Variants in MAML2 observed in about 807,000 individuals in gnomAD.
MAML2 encodes the protein mastermind-like protein 2.
Under a neutral mutation model 96.1 loss-of-function variants are expected in MAML2, and 22 were observed. The observed-to-expected ratio is 0.23, with a 90% CI of 0.16 to 0.33. The LOEUF is 0.33. Among genes scored for constraint, MAML2 ranks in the 10% least tolerant of loss-of-function variants. The pLI is 1.00. For missense variants in MAML2, 1,367 were observed against 1,392.4 expected, an observed-to-expected ratio of 0.98 and a Z score of 0.29; for synonymous variants, 561 against 521.3, an observed-to-expected ratio of 1.08 and a Z score of -1.04.
chr11:96,159,561 G>A (rs1291937856), intron 1 of MAML2, among the ~76,000 whole-genome samples: 1 of 151,928 alleles, frequency 6.6e-6, no homozygotes, highest in Non-Finnish European at 1.5e-5. Flanking sequence ...GAGTTGCTGG[G>A]ACTACAGGCG....
At chr11:96,006,670 T>A (rs539446236) in intron 2 of MAML2, among the ~76,000 whole-genome samples, 1 of 151,692 alleles carries the variant, frequency 6.6e-6, no homozygotes, top group African/African-American at 2.4e-5. Context: ...GTGATTCTCC[T>A]GCCTCAGCCT....
chr11:96,153,314 G>A (rs371506363), intron 1 of MAML2, among the ~76,000 whole-genome samples: 43 of 152,180 alleles, frequency 2.8e-4, no homozygotes, highest in African/African-American at 7.7e-4. Context: ...AGGACCACAC[G>A]ATGGCAGTTA....
intron 2 of MAML2, among the ~76,000 whole-genome samples, chr11:96,049,613 A>G (rs1241704297): frequency 2.6e-5 from 4 of 152,322 alleles, no homozygotes; most frequent in South Asian, 2.1e-4. Context: ...CAAGTGTTGT[A>G]ATCTCTCTGA....
chr11:96,144,920 A>G (rs1860792187), intron 1 of MAML2, among the ~76,000 whole-genome samples: 1 of 152,236 alleles, frequency 6.6e-6, no homozygotes, highest in South Asian at 2.1e-4. Flanking sequence ...TTTGGAGTGA[A>G]GGCTGCCCTG....
At chr11:96,303,440 A>G (rs1313822999) in intron 1 of MAML2, among the ~76,000 whole-genome samples, 1 of 152,242 alleles carries the variant, frequency 6.6e-6, no homozygotes, top group Non-Finnish European at 1.5e-5. Context: ...GGAATGTGCC[A>G]TAGAGTAAGA....
intron 1 of MAML2, among the ~76,000 whole-genome samples, chr11:96,110,388 T>G (rs1860097484): frequency 6.6e-6 from 1 of 152,244 alleles, no homozygotes; most frequent in South Asian, 2.1e-4. Flanking sequence ...TCCGCCATCT[T>G]GCCTAATTCT....
rs545331012 is a variant in MAML2, at chr11:96,272,763, A to C, written c.513+68620T>G. On this transcript the variant is annotated intron_variant, in intron 1 of 4. Transcript: ENST00000524717. ...AAAACAGTTTCATTTACTTAACATT[A>C]CTCTGACCCTTTAACTTCTAACTTG... 1.8e-4 allele frequency among the ~76,000 whole-genome samples: 28 copies of C among 152,240 alleles called. No individual in the cohort carries two copies. The South Asian group carries it at 2.5e-3, about 14-fold the overall frequency.
chr11:96,341,755 G>A lies in MAML2; in HGVS notation c.141C>T (p.Cys47=). 6.2e-7 allele frequency: 1 copy of A among 1,612,676 alleles called. No individual in the cohort carries two copies. The highest frequency in any genetic ancestry group is 1.1e-5 in the South Asian group (1 of 90,832). Residue 47 remains cysteine, a synonymous_variant, in exon 1 of 5, where the codon TGC becomes TGT. Transcript: ENST00000524717. ...VERLRARIAV[C]RQHHLSCEGR... Reference sequence around the variant, plus strand: ...CTTCACAGCTCAGGTGGTGTTGGCGGCAGACAGCGATCCGAGCCCGGAGGC... The same window carrying A: ...CTTCACAGCTCAGGTGGTGTTGGCGACAGACAGCGATCCGAGCCCGGAGGC...
intron 1 of MAML2, among the ~76,000 whole-genome samples, chr11:96,166,177 T>TCTCACACACACACACA (rs530578845): frequency 5.4e-5 from 6 of 110,330 alleles, no homozygotes; most frequent in African/African-American, 2.1e-4. Context: ...TCTCTCTCTC[T>TCTCACACACACACACA]CACACACACA....
At chr11:96,202,626 G>A (rs1441297171) in intron 1 of MAML2, among the ~76,000 whole-genome samples, 3 of 151,332 alleles carry the variant, frequency 2.0e-5, no homozygotes, top group Non-Finnish European at 4.4e-5. Flanking sequence ...TGTTCCAGAT[G>A]AAATTTTTTT....
At chr11:96,157,462 G>T (rs558542161) in intron 1 of MAML2, among the ~76,000 whole-genome samples, 15 of 152,322 alleles carry the variant, frequency 9.8e-5, no homozygotes, top group African/African-American at 3.6e-4. Flanking sequence ...GAACGTCATG[G>T]GACTTTGGCA....
chr11:96,189,320 A>G (rs1364691089), intron 1 of MAML2, among the ~76,000 whole-genome samples: 1 of 152,234 alleles, frequency 6.6e-6, no homozygotes, highest in African/African-American at 2.4e-5. Flanking sequence ...TTTCGTGCTT[A>G]TAATTTACTT....
At chr11:96,191,478 T>TAA (rs550697309) in intron 1 of MAML2, among the ~76,000 whole-genome samples, 20 of 48,910 alleles carry the variant, frequency 4.1e-4, no homozygotes, top group South Asian at 1.4e-3. Context: ...AAAATAACAA[T>TAA]AATAAAAAAA....
intron 2 of MAML2, among the ~76,000 whole-genome samples, chr11:96,085,557 A>G (rs529864030): frequency 9.2e-5 from 14 of 152,304 alleles, no homozygotes; most frequent in African/African-American, 3.4e-4. Context: ...TTACAGTTAA[A>G]TATCTGTCAG....
At chr11:96,122,077 T>C (rs550097405) in intron 1 of MAML2, among the ~76,000 whole-genome samples, 2 of 148,728 alleles carry the variant, frequency 1.3e-5, no homozygotes, top group African/African-American at 5.0e-5. Flanking sequence ...CCCAAAGTGC[T>C]CGGATTACAG....
At position 95,979,957 on chromosome 11, in the gene MAML2, G is replaced by A. The variant is rs2135699045; in HGVS notation, c.2462C>T (p.Ser821Leu). Residue 821 changes from serine to leucine, a missense_variant, in exon 5 of 5, where the codon TCA becomes TTA. Physicochemically the swap from Ser to Leu is moderately radical, Grantham distance 145. Coordinates refer to ENST00000524717, the MANE Select transcript of MAML2 (RefSeq NM_032427.4). ...GTTAGAGTTTAAGCTTATTGTGGAT[G>A]AGCCACCTGAGAAAAAGAAGAGAAT... ...MQPTAQYSGG[S>L]STISLNSNQA... 1 of 1,607,202 alleles carries A rather than the reference G, an allele frequency of 6.2e-7. No individual in the cohort carries two copies. The highest frequency in any genetic ancestry group is 2.2e-5 in the East Asian group (1 of 44,814).
At chr11:96,118,952 T>C (rs1860290919) in intron 1 of MAML2, among the ~76,000 whole-genome samples, 1 of 152,198 alleles carries the variant, frequency 6.6e-6, no homozygotes, top group South Asian at 2.1e-4. Context: ...GATGCTTCTT[T>C]TACTCTGAAC....
intron 2 of MAML2, among the ~76,000 whole-genome samples, chr11:96,079,069 C>T (rs904354489): frequency 1.3e-5 from 2 of 152,264 alleles, no homozygotes; most frequent in South Asian, 2.1e-4. Flanking sequence ...GGCATAAAAA[C>T]CAAAATTCAC....
At chr11:96,008,894 T>C (rs1345700396) in intron 2 of MAML2, among the ~76,000 whole-genome samples, 1 of 152,226 alleles carries the variant, frequency 6.6e-6, no homozygotes, top group African/African-American at 2.4e-5. Context: ...ATCATATTTA[T>C]CTAACCCTTG....
Sources: gnomAD v4.1 joint callset for allele counts (sites outside exome capture counted in the v4.1 genomes callset) on GRCh38, gnomAD v4.1.1 for gene constraint, MANE v1.5 for transcripts, NCBI Gene and HGNC (gene_info 2026-07-23, HGNC 2026-07-21) for gene names.